Variants in RNLS observed in about 807,000 individuals in gnomAD.
RNLS encodes renalase.
Under a neutral mutation model 39.8 loss-of-function variants are expected in RNLS, and 39 were observed. The observed-to-expected ratio is 0.98, with a 90% confidence interval of 0.76 to 1.28. The LOEUF (loss-of-function observed/expected upper bound fraction) is 1.28, where lower values mean the gene tolerates loss of function less well. Among genes scored for constraint, RNLS ranks in the 50% most tolerant of loss-of-function variants. The pLI, the probability that RNLS is intolerant of heterozygous loss-of-function variation, is 0.00. For missense variants in RNLS, 410 were observed against 413.3 expected, an observed-to-expected ratio of 0.99 and a Z score of 0.07; for synonymous variants, 147 against 150.7, an observed-to-expected ratio of 0.98 and a Z score of 0.18.
chr10:88,340,062 C>T (rs1847822329), intron 5 of RNLS, among the ~76,000 whole-genome samples: 1 of 152,234 alleles, frequency 6.6e-6, no homozygotes, highest in Non-Finnish European at 1.5e-5. Flanking sequence ...ATTCCAGTCA[C>T]ATCTAACTAC....
intron 4 of RNLS, among the ~76,000 whole-genome samples, chr10:88,422,370 AT>A (rs897977941): frequency 1.3e-5 from 2 of 152,214 alleles, no homozygotes; most frequent in African/African-American, 2.4e-5. Flanking sequence ...AACACTTTAT[AT>A]TTCAAAACCA....
At chr10:88,311,092 G>A (rs1343196714) in intron 6 of RNLS, among the ~76,000 whole-genome samples, 1 of 152,040 alleles carries the variant, frequency 6.6e-6, no homozygotes, top group Non-Finnish European at 1.5e-5. Context: ...GCTACATAAG[G>A]TAAGGAAAAG....
the RNLS span, among the ~76,000 whole-genome samples, chr10:88,259,873 C>G: frequency 6.6e-6 from 1 of 152,076 alleles, no homozygotes; most frequent in Non-Finnish European, 1.5e-5. Flanking sequence ...CCTCCCAACT[C>G]TAGGACTACA....
chr10:88,346,085 AT>A (rs1158112709), intron 5 of RNLS, among the ~76,000 whole-genome samples: 2 of 152,170 alleles, frequency 1.3e-5, no homozygotes, highest in African/African-American at 4.8e-5. Context: ...TTTTAATATC[AT>A]TCTGATATAA....
intron 5 of RNLS, among the ~76,000 whole-genome samples, chr10:88,345,140 C>A (rs945120003): frequency 2.8e-4 from 42 of 152,208 alleles, no homozygotes; most frequent in Admixed American, 1.4e-3. Flanking sequence ...AATGTCACAT[C>A]TGGGCAAAAA....
intron 4 of RNLS, among the ~76,000 whole-genome samples, chr10:88,486,954 C>T (rs2134045287): frequency 6.9e-6 from 1 of 144,934 alleles, no homozygotes; most frequent in African/African-American, 2.5e-5. Context: ...AAACATTTAA[C>T]CTAAATGCTC....
the RNLS span, among the ~76,000 whole-genome samples, chr10:88,230,104 G>A: frequency 2.6e-5 from 4 of 152,116 alleles, no homozygotes; most frequent in Non-Finnish European, 5.9e-5. Flanking sequence ...CATTCCTCAG[G>A]TTGAAGATGA....
chr10:88,474,101 A>G (rs1263160738), intron 4 of RNLS, among the ~76,000 whole-genome samples: 1 of 152,220 alleles, frequency 6.6e-6, no homozygotes, highest in African/African-American at 2.4e-5. Flanking sequence ...TATTCTCTAA[A>G]TAAATTATAT....
chr10:88,350,080 G>C (rs1446796284), intron 5 of RNLS, among the ~76,000 whole-genome samples: 1 of 152,042 alleles, frequency 6.6e-6, no homozygotes, highest in African/African-American at 2.4e-5. Context: ...AGTTTTTCAT[G>C]ATTATGGTTC....
chr10:88,478,035 C>A (rs1304597525), intron 4 of RNLS, among the ~76,000 whole-genome samples: 1 of 152,180 alleles, frequency 6.6e-6, no homozygotes, highest in East Asian at 1.9e-4. Flanking sequence ...TATCTGGTAA[C>A]TTCTTAAAAG....
the RNLS span, among the ~76,000 whole-genome samples, chr10:88,174,797 C>T: frequency 6.6e-6 from 1 of 152,112 alleles, no homozygotes; most frequent in Non-Finnish European, 1.5e-5. Flanking sequence ...AGAATTCCCT[C>T]CTCTTAAATT....
At chr10:88,357,621 G>A (rs2133340204) in intron 5 of RNLS, among the ~76,000 whole-genome samples, 1 of 152,282 alleles carries the variant, frequency 6.6e-6, no homozygotes, top group South Asian at 2.1e-4. Context: ...CTGGCTAGAT[G>A]TTCACCAAAT....
chr10:88,245,230 A>T, the RNLS span, among the ~76,000 whole-genome samples: 20 of 152,066 alleles, frequency 1.3e-4, no homozygotes, highest in Non-Finnish European at 2.4e-4. Flanking sequence ...ATAACATTTT[A>T]CCCCCCTCCC....
At chr10:88,410,262 G>A (rs1420429926) in intron 4 of RNLS, among the ~76,000 whole-genome samples, 1 of 151,990 alleles carries the variant, frequency 6.6e-6, no homozygotes, top group Non-Finnish European at 1.5e-5. Context: ...TTCAATCAGA[G>A]AATTTGAAAT....
At chr10:88,300,294 AAGAG>A (rs906732335) in intron 6 of RNLS, among the ~76,000 whole-genome samples, 4 of 152,312 alleles carry the variant, frequency 2.6e-5, no homozygotes, top group African/African-American at 7.2e-5. Context: ...GCATTCTTGA[AAGAG>A]AGAGAGAAAG....
intron 4 of RNLS, among the ~76,000 whole-genome samples, chr10:88,559,661 A>ATT (rs1412477672): frequency 8.6e-5 from 10 of 116,224 alleles, no homozygotes; most frequent in African/African-American, 2.8e-4. Context: ...AGATTGTTTC[A>ATT]CTCATTCATT....
chr10:88,222,036 G>A, the RNLS span, among the ~76,000 whole-genome samples: 4 of 152,150 alleles, frequency 2.6e-5, no homozygotes, highest in African/African-American at 4.8e-5. Flanking sequence ...CTATCATTAA[G>A]CATTAAGTAT....
chr10:88,548,934 T>C (rs1213242753), intron 4 of RNLS, among the ~76,000 whole-genome samples: 1 of 152,082 alleles, frequency 6.6e-6, no homozygotes, highest in African/African-American at 2.4e-5. Context: ...AGTGGGCTGA[T>C]ACACATGGAT....
At chr10:88,352,138 T>G (rs528648228) in intron 5 of RNLS, among the ~76,000 whole-genome samples, 1 of 152,352 alleles carries the variant, frequency 6.6e-6, no homozygotes, top group Admixed American at 6.5e-5. Flanking sequence ...AGTCATGTCA[T>G]CTGCAAACAG....
Sources: allele counts gnomAD v4.1 joint callset (sites outside exome capture counted in the v4.1 genomes callset), GRCh38; gene constraint gnomAD v4.1.1; transcripts MANE v1.5; gene names NCBI Gene and HGNC (gene_info 2026-07-23, HGNC 2026-07-21).